TENM2: variants seen among roughly 807,000 people sequenced by gnomAD.
TENM2 encodes teneurin transmembrane protein 2.
In TENM2, 52 loss-of-function variants were observed where a neutral mutation model predicts 245.2. The ratio of observed to expected loss-of-function variants is 0.21; its 90% confidence interval spans 0.17 to 0.27. TENM2 has a LOEUF of 0.27. Among genes scored for constraint, TENM2 ranks in the 10% least tolerant of loss-of-function variants. The pLI is 1.00. For missense variants in TENM2, 3,046 were observed against 3,666.8 expected (o/e 0.83, Z 4.37); for synonymous variants, 1,363 against 1,438.9 (o/e 0.95, Z 1.19).
At position 167,848,301 on chromosome 5, in the gene TENM2, A is replaced by G. The variant is rs143469585; in HGVS notation, c.503-27685A>G. ...TTCAATTGAAAACCCAAGTGTCCAT[A>G]ATGATCAGCTAGGCAATATGAATGA... On this transcript the variant is annotated intron_variant, in intron 2 of 28. Transcript: ENST00000518659. 2.5e-4 allele frequency among the ~76,000 whole-genome samples: 38 copies of G among 152,300 alleles called. 1 individual carries two copies. In the East Asian group the frequency reaches 6.0e-3, roughly 24 times the overall value.
the TENM2 span, among the ~76,000 whole-genome samples, chr5:167,072,856 A>G: frequency 6.6e-6 from 1 of 152,234 alleles, no homozygotes; most frequent in East Asian, 1.9e-4. Flanking sequence ...TGTAAATCTG[A>G]AGAGCAAACA....
At chr5:167,807,592 A>T (rs2150978421) in intron 2 of TENM2, among the ~76,000 whole-genome samples, 1 of 150,554 alleles carries the variant, frequency 6.6e-6, no homozygotes, top group East Asian at 2.0e-4. Flanking sequence ...CAGGAAAATG[A>T]ACTAAAAGTG....
intron 7 of TENM2, among the ~76,000 whole-genome samples, chr5:168,079,588 T>C (rs1349317013): frequency 6.6e-6 from 1 of 152,214 alleles, no homozygotes; most frequent in Non-Finnish European, 1.5e-5. Flanking sequence ...GCTCTTATTA[T>C]TTTGAGATAC....
At chr5:168,036,707 G>GTATATATATA (rs202165206) in intron 5 of TENM2, among the ~76,000 whole-genome samples, 22 of 114,160 alleles carry the variant, frequency 1.9e-4, no homozygotes, top group African/African-American at 7.4e-4. Context: ...ATATGTATGT[G>GTATATATATA]TATATATATG....
intron 17 of TENM2, among the ~76,000 whole-genome samples, chr5:168,200,596 G>C (rs1022087499): frequency 6.6e-6 from 1 of 152,200 alleles, no homozygotes; most frequent in African/African-American, 2.4e-5. Context: ...TGTTGGGAGA[G>C]AGGTGGTCAG....
At chr5:167,910,245 G>A (rs1776443468) in intron 3 of TENM2, among the ~76,000 whole-genome samples, 1 of 152,100 alleles carries the variant, frequency 6.6e-6, no homozygotes, top group Non-Finnish European at 1.5e-5. Context: ...AACAGATGGA[G>A]CCTGTCAATA....
the TENM2 span, among the ~76,000 whole-genome samples, chr5:167,130,904 TTTTTTTTTA>T: frequency 6.7e-6 from 1 of 148,684 alleles, no homozygotes; most frequent in African/African-American, 2.5e-5. Flanking sequence ...TTTTTTTTTT[TTTTTTTTTA>T]AAAAAAAAAA....
At chr5:167,186,383 A>G in the TENM2 span, among the ~76,000 whole-genome samples, 1 of 152,178 alleles carries the variant, frequency 6.6e-6, no homozygotes, top group African/African-American at 2.4e-5. Flanking sequence ...GAAAAACTGG[A>G]AAAGAGGTAA....
intron 3 of TENM2, among the ~76,000 whole-genome samples, chr5:167,900,149 GGAA>G (rs1308682441): frequency 0.063 from 4,880 of 78,016 alleles, 230 homozygotes; most frequent in East Asian, 0.18. Context: ...GGGGGGTTTT[GGAA>G]AGGAAAGGAA....
At chr5:167,039,747 T>TA in the TENM2 span, among the ~76,000 whole-genome samples, 25 of 152,132 alleles carry the variant, frequency 1.6e-4, no homozygotes. Context: ...TTTTCAAACT[T>TA]ACAACTATAA....
At chr5:168,106,702 A>G (rs1028823726) in intron 9 of TENM2, among the ~76,000 whole-genome samples, 5 of 152,194 alleles carry the variant, frequency 3.3e-5, no homozygotes, top group Non-Finnish European at 7.3e-5. Flanking sequence ...TTTGAACCCA[A>G]GTAAACTTTT....
At chr5:167,944,229 G>A (rs939132887) in intron 3 of TENM2, among the ~76,000 whole-genome samples, 1 of 152,074 alleles carries the variant, frequency 6.6e-6, no homozygotes, top group Non-Finnish European at 1.5e-5. Context: ...TACTGACTTG[G>A]CACCCAGTTC....
chr5:167,941,132 C>T (rs774402718), intron 3 of TENM2, among the ~76,000 whole-genome samples: 3 of 152,134 alleles, frequency 2.0e-5, no homozygotes, highest in South Asian at 2.1e-4. Context: ...CAACTCAGGA[C>T]GTCAGTGAAT....
At chr5:167,181,057 T>C in the TENM2 span, among the ~76,000 whole-genome samples, 13 of 151,872 alleles carry the variant, frequency 8.6e-5, no homozygotes, top group African/African-American at 2.9e-4. Flanking sequence ...TCAATCCTAG[T>C]GTTTCTTTGT....
At chr5:167,227,982 A>G in the TENM2 span, among the ~76,000 whole-genome samples, 2,543 of 151,824 alleles carry the variant, frequency 0.017, 65 homozygotes, top group African/African-American at 0.057. Flanking sequence ...TGACTGGGTT[A>G]TTTATAAAGA....
At chr5:168,189,647 A>G (rs1760774704) in intron 13 of TENM2, among the ~76,000 whole-genome samples, 1 of 152,212 alleles carries the variant, frequency 6.6e-6, no homozygotes, top group Admixed American at 6.5e-5. Flanking sequence ...TAATACTCTC[A>G]GCACCCAGGT....
At chr5:167,819,536 C>G (rs1214641048) in intron 2 of TENM2, among the ~76,000 whole-genome samples, 1 of 152,152 alleles carries the variant, frequency 6.6e-6, no homozygotes, top group Non-Finnish European at 1.5e-5. Flanking sequence ...GGGGCTTTCA[C>G]AAAGTGAAGT....
chr5:168,164,397 C>T (rs891933), intron 13 of TENM2, among the ~76,000 whole-genome samples: 75,062 of 129,384 alleles, frequency 0.58, 16,996 homozygotes, highest in African/African-American at 0.75. Context: ...TATCTTGTAT[C>T]GCTGACACTT....
chr5:167,481,467 G>A (rs953171614), intron 2 of TENM2, among the ~76,000 whole-genome samples: 3 of 152,080 alleles, frequency 2.0e-5, no homozygotes, highest in East Asian at 1.9e-4. Flanking sequence ...ACACATCCAC[G>A]CCATTAGCAT....
Sources: allele counts gnomAD v4.1 joint callset (sites outside exome capture counted in the v4.1 genomes callset), GRCh38; gene constraint gnomAD v4.1.1; transcripts MANE v1.5; gene names NCBI Gene and HGNC (gene_info 2026-07-23, HGNC 2026-07-21).